VAV3: variants seen among roughly 807,000 people sequenced by gnomAD.
The protein encoded by VAV3 is guanine nucleotide exchange factor VAV3.
Under a neutral mutation model 131.2 loss-of-function variants are expected in VAV3, and 94 were observed. That is an observed-to-expected ratio of 0.72 (90% confidence interval 0.61 to 0.85). VAV3 has a LOEUF of 0.85. VAV3 is among the 40% of genes least tolerant of loss of function. VAV3 has a pLI of 0.00. For missense variants in VAV3, 939 were observed against 1,002.7 expected (o/e 0.94, Z 0.86); for synonymous variants, 349 against 342.0 (o/e 1.02, Z -0.22).
At chr1:107,958,796 G>A (rs1257894490) in intron 1 of VAV3, among the ~76,000 whole-genome samples, 1 of 151,970 alleles carries the variant, frequency 6.6e-6, no homozygotes, top group Non-Finnish European at 1.5e-5. Context: ...ACCCCCGACA[G>A]GCCCCGGTGT....
chr1:107,709,763 T>A (rs1019627371), intron 15 of VAV3, among the ~76,000 whole-genome samples: 2 of 152,204 alleles, frequency 1.3e-5, no homozygotes, highest in Non-Finnish European at 2.9e-5. Flanking sequence ...CTCATTCTTC[T>A]CCTTCCTGCT....
At chr1:107,646,563 G>C (rs1655752931) in intron 19 of VAV3, among the ~76,000 whole-genome samples, 1 of 151,916 alleles carries the variant, frequency 6.6e-6, no homozygotes, top group Non-Finnish European at 1.5e-5. Context: ...GCCAAAATTA[G>C]ATCTCCTGCC....
chr1:107,829,268 C>T (rs1373332713), intron 2 of VAV3, among the ~76,000 whole-genome samples: 1 of 152,146 alleles, frequency 6.6e-6, no homozygotes, highest in East Asian at 1.9e-4. Context: ...TGGGTTGACT[C>T]ACTGTATGAT....
At chr1:107,625,989 C>A (rs1157330009) in intron 20 of VAV3, among the ~76,000 whole-genome samples, 1 of 152,086 alleles carries the variant, frequency 6.6e-6, no homozygotes, top group Admixed American at 6.6e-5. Context: ...TCAGAACTTT[C>A]TCCCATAATG....
intron 2 of VAV3, among the ~76,000 whole-genome samples, chr1:107,798,614 G>A (rs1197215597): frequency 1.3e-5 from 2 of 150,882 alleles, no homozygotes; most frequent in African/African-American, 4.9e-5. Flanking sequence ...AGCTACTCAG[G>A]AGGCTGAGGC....
chr1:107,875,282 C>T (rs1207397823), intron 1 of VAV3, among the ~76,000 whole-genome samples: 1 of 152,102 alleles, frequency 6.6e-6, no homozygotes. Flanking sequence ...AAGCAACAAA[C>T]ACAAATAAGC....
chr1:107,958,524 C>T (rs1674924506), intron 1 of VAV3, among the ~76,000 whole-genome samples: 1 of 152,176 alleles, frequency 6.6e-6, no homozygotes, highest in South Asian at 2.1e-4. Context: ...AAGGGCAACA[C>T]TGTATGAAAA....
At chr1:107,837,923 A>G (rs1215257801) in intron 2 of VAV3, among the ~76,000 whole-genome samples, 2 of 152,194 alleles carry the variant, frequency 1.3e-5, no homozygotes, top group African/African-American at 4.8e-5. Context: ...AAGACCTCAA[A>G]CTGTAAAAAT....
intron 15 of VAV3, among the ~76,000 whole-genome samples, chr1:107,746,537 A>G (rs1211845907): frequency 6.6e-6 from 1 of 152,228 alleles, no homozygotes; most frequent in Non-Finnish European, 1.5e-5. Context: ...CCCTATATGT[A>G]TAAACCTGTA....
intron 9 of VAV3, among the ~76,000 whole-genome samples, chr1:107,761,404 A>G (rs905766454): frequency 6.6e-6 from 1 of 151,798 alleles, no homozygotes; most frequent in African/African-American, 2.4e-5. Flanking sequence ...AAAAAAAAAA[A>G]AAAAAGAAAA....
intron 2 of VAV3, among the ~76,000 whole-genome samples, chr1:107,866,904 C>T (rs946965641): frequency 1.3e-5 from 2 of 148,408 alleles, no homozygotes; most frequent in East Asian, 2.0e-4. Context: ...AGAAACATTA[C>T]CAAAATAGAA....
chr1:107,764,561 C>A (rs1664629347), intron 9 of VAV3, among the ~76,000 whole-genome samples: 1 of 152,112 alleles, frequency 6.6e-6, no homozygotes, highest in East Asian at 1.9e-4. Flanking sequence ...GCTTTGCCAC[C>A]CTGGCTGGAG....
chr1:107,701,893 A>G (rs1336054967), intron 17 of VAV3, among the ~76,000 whole-genome samples: 1 of 152,174 alleles, frequency 6.6e-6, no homozygotes, highest in Non-Finnish European at 1.5e-5. Flanking sequence ...AAAACCATTC[A>G]ACAAGTCTCT....
intron 17 of VAV3, among the ~76,000 whole-genome samples, chr1:107,699,617 T>A (rs548821162): frequency 2.5e-4 from 38 of 152,338 alleles, no homozygotes; most frequent in Admixed American, 1.3e-3. Flanking sequence ...TGTACTGCCC[T>A]AGCAGAGGTT....
At chr1:107,864,195 T>G (rs1201879271) in intron 2 of VAV3, among the ~76,000 whole-genome samples, 3 of 152,218 alleles carry the variant, frequency 2.0e-5, no homozygotes, top group Non-Finnish European at 4.4e-5. Flanking sequence ...AGTGGCATTT[T>G]AGAATCAGGA....
chr1:107,805,742 T>G (rs1667029668), intron 2 of VAV3, among the ~76,000 whole-genome samples: 1 of 152,212 alleles, frequency 6.6e-6, no homozygotes, highest in South Asian at 2.1e-4. Flanking sequence ...CGTGTCTTTA[T>G]TCCAGTCTTC....
intron 25 of VAV3, among the ~76,000 whole-genome samples, chr1:107,592,079 A>G (rs61801412): frequency 1.4e-5 from 2 of 145,818 alleles, no homozygotes; most frequent in East Asian, 2.2e-4. Context: ...GTGTGTGTGT[A>G]TGTATCTTCC....
At chr1:107,765,025 T>G (rs774601866) in intron 9 of VAV3, 51 bp downstream of exon 9, 19 of 1,261,972 alleles carry the variant, frequency 1.5e-5, no homozygotes, top group Non-Finnish European at 2.1e-5. Flanking sequence ...AGGAACACAT[T>G]GCTTTTAGGT....
intron 13 of VAV3, 100 bp from the exon 14 acceptor site, chr1:107,749,694 T>A: frequency 7.5e-7 from 1 of 1,340,382 alleles, no homozygotes; most frequent in Non-Finnish European, 1.0e-6. Flanking sequence ...TTCTTTGCAT[T>A]AAAGACAACA....
Sources: gnomAD v4.1 joint callset for allele counts (sites outside exome capture counted in the v4.1 genomes callset) on GRCh38, gnomAD v4.1.1 for gene constraint, MANE v1.5 for transcripts, NCBI Gene and HGNC (gene_info 2026-07-23, HGNC 2026-07-21) for gene names.